Variants in ARHGAP26 observed in about 807,000 individuals in gnomAD.
The protein encoded by ARHGAP26 is rho GTPase-activating protein 26.
In ARHGAP26, 38 loss-of-function variants were observed where a neutral mutation model predicts 104.8. The observed-to-expected ratio is 0.36, with a 90% CI of 0.28 to 0.48. The LOEUF is 0.48. Among genes scored for constraint, ARHGAP26 ranks in the 20% least tolerant of loss-of-function variants. The pLI is 0.99. For synonymous variants in ARHGAP26, 341 were observed against 340.0 expected, an observed-to-expected ratio of 1.00 and a Z score of -0.03; for missense variants, 704 against 947.9, an observed-to-expected ratio of 0.74 and a Z score of 3.38.
In ARHGAP26 at chr5:143,134,002, T is replaced by C. The variant is rs762378594; in HGVS notation, c.1734T>C (p.Asn578=). The C allele has an allele frequency of 6.2e-7, 1 of 1,613,018 alleles. No homozygotes were observed. Among genetic ancestry groups the C allele is most frequent in the Non-Finnish European group, 8.5e-7 (1 of 1,179,422 alleles). ...CCGTGCCCGATATGCCTCTCACCAA[T>C]GCCCAGCTGCACCTGTCTCGGAAGA... The part of the protein sequence containing the change: ...FNTVPDMPLT[N]AQLHLSRKKS... Residue 578 remains asparagine, a synonymous_variant, in exon 19 of 23, where the codon AAT becomes AAC. Coordinates refer to ENST00000645722, the MANE Select transcript of ARHGAP26 (RefSeq NM_001135608.3).
At chr5:143,110,770 T>A (rs1794683088) in intron 17 of ARHGAP26, among the ~76,000 whole-genome samples, 1 of 152,226 alleles carries the variant, frequency 6.6e-6, no homozygotes, top group Admixed American at 6.5e-5. Flanking sequence ...AAGAAAGGCT[T>A]TCTGAGTCAG....
chr5:143,205,187 C>T (rs1307204547), intron 20 of ARHGAP26, among the ~76,000 whole-genome samples: 1 of 152,092 alleles, frequency 6.6e-6, no homozygotes, highest in African/African-American at 2.4e-5. Context: ...ATCTTACTGT[C>T]TTACATTACT....
intron 17 of ARHGAP26, among the ~76,000 whole-genome samples, chr5:143,085,004 C>T (rs1790351716): frequency 6.9e-6 from 1 of 144,858 alleles, no homozygotes; most frequent in Non-Finnish European, 1.5e-5. Context: ...GAGATCGCGC[C>T]ACTGCACTCC....
chr5:142,963,202 G>GTATATATA lies in ARHGAP26; in HGVS notation c.1107+31078_1107+31079insATATATAT, dbSNP rs1228738617. 2.0e-3 allele frequency among the ~76,000 whole-genome samples: 181 copies of GTATATATA among 89,884 alleles called. 2 individuals are homozygous for GTATATATA. The highest frequency in any genetic ancestry group is 0.01 in the South Asian group (24 of 2,322). 59.0% of individuals were successfully genotyped at this position (89,884 alleles called of 152,430 possible). A position where few individuals can be genotyped will look rare whatever the true frequency, so the allele number is the denominator to read the frequency against. On this transcript the variant is annotated intron_variant, in intron 11 of 22. Coordinates refer to ENST00000645722, the MANE Select transcript of ARHGAP26 (RefSeq NM_001135608.3). ...TATATATATATATATATATATATGTGTGTGTGTGTGTGTGTGTGCGCGTGT... is the reference window on the plus strand; with the variant it reads ...TATATATATATATATATATATATGTGTATATATATGTGTGTGTGTGTGTGTGCGCGTGT...
At chr5:143,207,587 G>C in intron 21 of ARHGAP26, 2 of 1,283,280 alleles carry the variant, frequency 1.6e-6, no homozygotes, top group Non-Finnish European at 2.2e-6. Context: ...GAGCTAAAAG[G>C]GACCATTTGC....
intron 1 of ARHGAP26, among the ~76,000 whole-genome samples, chr5:142,796,054 C>CTG (rs71890315): frequency 0.12 from 16,905 of 144,010 alleles, 923 homozygotes; most frequent in South Asian, 0.15. Context: ...AGGTGTTTTT[C>CTG]TGTGTGTGTG....
At chr5:142,896,567 TCTC>T (rs558185518) in intron 6 of ARHGAP26, among the ~76,000 whole-genome samples, 199 of 152,304 alleles carry the variant, frequency 1.3e-3, no homozygotes, top group African/African-American at 4.6e-3. Flanking sequence ...TCCTCCTTCT[TCTC>T]CTTCTTTTGT....
intron 1 of ARHGAP26, among the ~76,000 whole-genome samples, chr5:142,823,900 C>CT (rs1249461892): frequency 1.4e-4 from 22 of 152,174 alleles, no homozygotes; most frequent in Non-Finnish European, 2.8e-4. Flanking sequence ...AGAATTTTCA[C>CT]TTTTTAAAAG....
intron 20 of ARHGAP26, among the ~76,000 whole-genome samples, chr5:143,152,988 A>T (rs1042834660): frequency 1.3e-5 from 2 of 152,182 alleles, no homozygotes; most frequent in African/African-American, 4.8e-5. Flanking sequence ...ATATGCAGTG[A>T]TAGTAAACTG....
intron 17 of ARHGAP26, among the ~76,000 whole-genome samples, chr5:143,096,422 C>T (rs1792320517): frequency 6.6e-6 from 1 of 152,184 alleles, no homozygotes; most frequent in African/African-American, 2.4e-5. Context: ...TGGTTCATTT[C>T]TGAGAAAGTG....
At chr5:142,892,171 T>A (rs1012008239) in intron 5 of ARHGAP26, among the ~76,000 whole-genome samples, 1 of 152,036 alleles carries the variant, frequency 6.6e-6, no homozygotes, top group African/African-American at 2.4e-5. Context: ...CATGGCCTTT[T>A]CTGAGATTCC....
At chr5:142,969,030 C>T (rs1771840984) in intron 11 of ARHGAP26, among the ~76,000 whole-genome samples, 1 of 152,218 alleles carries the variant, frequency 6.6e-6, no homozygotes, top group Admixed American at 6.5e-5. Flanking sequence ...CTCCCAGGCT[C>T]AAGTGATCCT....
At chr5:142,850,992 C>T (rs773992256) in intron 1 of ARHGAP26, among the ~76,000 whole-genome samples, 5 of 151,942 alleles carry the variant, frequency 3.3e-5, no homozygotes, top group African/African-American at 1.2e-4. Context: ...CTCTGAGACA[C>T]GAATAGTTTA....
Position 142,871,344 on chromosome 5 carries a change from G to C in ARHGAP26, c.155-2056G>C, listed in dbSNP as rs1166522480. Among the ~76,000 whole-genome samples the C allele has an allele frequency of 1.3e-5, 2 of 152,244 alleles. No individual in the cohort carries two copies. Among genetic ancestry groups the C allele is most frequent in the African/African-American group, 4.8e-5 (2 of 41,452 alleles). ...ATCCTCCTGGCAGCTGCCCTTGGCA[G>C]TGCGGCTTTTCAGGTGTGTGCTGGG... On this transcript the variant is annotated intron_variant, in intron 1 of 22. Transcript: ENST00000645722. The surrounding 1 kb of genome is among the most constrained non-coding windows in gnomAD (Gnocchi z 4.1).
chr5:142,969,853 A>G (rs1489891564), intron 11 of ARHGAP26, among the ~76,000 whole-genome samples: 2 of 152,142 alleles, frequency 1.3e-5, no homozygotes, highest in Non-Finnish European at 2.9e-5. Context: ...CCCTTCCTGC[A>G]TAGTCTCTTT....
At position 142,978,355 on chromosome 5, in the gene ARHGAP26, T is replaced by C. The variant is rs1049034946; in HGVS notation, c.1108-35725T>C. 3.9e-5 allele frequency among the ~76,000 whole-genome samples: 6 copies of C among 152,156 alleles called. No homozygotes were observed. The East Asian group carries it at 1.2e-3, about 29-fold the overall frequency. On this transcript the variant is annotated intron_variant, in intron 11 of 22. Transcript: ENST00000645722. ...ATAATGTGTGAGAAATCCTTGGCCATCTTTGGAGTGAGGGGCTCTGTCTAT... is the reference window on the plus strand; with the variant it reads ...ATAATGTGTGAGAAATCCTTGGCCACCTTTGGAGTGAGGGGCTCTGTCTAT...
chr5:143,188,382 C>A (rs1805452564), intron 20 of ARHGAP26, among the ~76,000 whole-genome samples: 1 of 152,210 alleles, frequency 6.6e-6, no homozygotes, highest in South Asian at 2.1e-4. Context: ...CATAGTCATT[C>A]AATTTCTTGC....
At chr5:143,055,905 T>A (rs1785738077) in intron 15 of ARHGAP26, 123 bp from the exon 16 acceptor site, 1 of 651,710 alleles carries the variant, frequency 1.5e-6, no homozygotes, top group Non-Finnish European at 2.6e-6. Flanking sequence ...ACATTGTTAT[T>A]GTTTCCCTGT....
intron 20 of ARHGAP26, among the ~76,000 whole-genome samples, chr5:143,200,380 AGAT>A (rs1807512278): frequency 1.3e-5 from 2 of 152,354 alleles, no homozygotes; most frequent in African/African-American, 4.8e-5. Context: ...TTCTCTACAA[AGAT>A]GTGAGTTGCA....
Sources: allele counts gnomAD v4.1 joint callset (sites outside exome capture counted in the v4.1 genomes callset), GRCh38; gene constraint gnomAD v4.1.1; non-coding constraint Gnocchi (gnomAD v3.1); transcripts MANE v1.5; gene names NCBI Gene and HGNC (gene_info 2026-07-23, HGNC 2026-07-21).